Variants in GPC5 observed in about 807,000 individuals in gnomAD.
The protein encoded by GPC5 is glypican 5.
Under a neutral mutation model 53.9 loss-of-function variants are expected in GPC5, and 47 were observed. The observed-to-expected ratio is 0.87, with a 90% CI of 0.69 to 1.11. The LOEUF (loss-of-function observed/expected upper bound fraction) is 1.11. Ranked by LOEUF, GPC5 falls within the 50% of genes most tolerant of loss-of-function variation. GPC5 has a pLI of 0.00. For missense variants in GPC5, 748 were observed against 713.1 expected, an observed-to-expected ratio of 1.05 and a Z score of -0.56; for synonymous variants, 286 against 263.3, an observed-to-expected ratio of 1.09 and a Z score of -0.84.
At position 91,817,461 on chromosome 13, in the gene GPC5, ATAAT is replaced by A. The variant is rs527994913; in HGVS notation, c.1280+61045_1280+61048del. 8.3e-4 allele frequency among the ~76,000 whole-genome samples: 126 copies of A among 152,330 alleles called. 1 individual carries two copies. Among genetic ancestry groups the A allele is most frequent in the African/African-American group, 2.8e-3 (116 of 41,580 alleles). On this transcript the variant is annotated intron_variant, in intron 5 of 7. Transcript: ENST00000377067. The stretch of plus-strand genomic sequence containing the variant: ...TCCTTGTACCGGATGAAATAAAATG[ATAAT>A]TAAGTATGCGAGATCTTTCCCATAA...
intron 7 of GPC5, among the ~76,000 whole-genome samples, chr13:92,233,698 T>C (rs2042547874): frequency 6.6e-6 from 1 of 152,232 alleles, no homozygotes; most frequent in South Asian, 2.1e-4. Context: ...AGGGTACATG[T>C]GCACAACGTG....
chr13:91,686,584 A>T (rs2035627447), intron 2 of GPC5, among the ~76,000 whole-genome samples: 1 of 151,980 alleles, frequency 6.6e-6, no homozygotes, highest in Admixed American at 6.6e-5. Flanking sequence ...TCTTTTATTT[A>T]AAAATATATA....
At chr13:92,229,446 T>C (rs1276793567) in intron 7 of GPC5, among the ~76,000 whole-genome samples, 1 of 152,142 alleles carries the variant, frequency 6.6e-6, no homozygotes, top group Admixed American at 6.6e-5. Context: ...ATGTTGCCAA[T>C]ATCTATACTT....
rs568934419 is a variant in GPC5 at position 91,402,369 on chromosome 13, G to A, written c.163+3160G>A. ...AATACTAAAAGACACTGTAAGCAGT[G>A]CTCTGAAGTTGTTGTTGTTTTTTAA... On this transcript the variant is annotated intron_variant, in intron 1 of 7. Coordinates refer to ENST00000377067, the MANE Select transcript of GPC5 (RefSeq NM_004466.6). Among the ~76,000 whole-genome samples, 6 of 152,304 alleles carry A rather than the reference G, an allele frequency of 3.9e-5. No homozygotes were observed. In the South Asian group the frequency reaches 6.2e-4, roughly 16 times the overall value.
intron 4 of GPC5, among the ~76,000 whole-genome samples, chr13:91,736,731 T>C (rs934711321): frequency 1.3e-5 from 2 of 151,262 alleles, no homozygotes; most frequent in African/African-American, 2.5e-5. Flanking sequence ...ATATCCTCAA[T>C]AGTGTTAAAA....
intron 5 of GPC5, among the ~76,000 whole-genome samples, chr13:91,770,965 A>T (rs1244650151): frequency 6.6e-6 from 1 of 152,198 alleles, no homozygotes; most frequent in Non-Finnish European, 1.5e-5. Flanking sequence ...AAAGTCTGTC[A>T]TGTTTGTGTT....
intron 7 of GPC5, among the ~76,000 whole-genome samples, chr13:92,298,084 G>T (rs2139193588): frequency 6.6e-6 from 1 of 152,180 alleles, no homozygotes; most frequent in South Asian, 2.1e-4. Context: ...GTGTTATGCA[G>T]GTTGTCAGGG....
chr13:91,650,750 G>GTTTTTTTTTTTTTTTTTGTT (rs2034683387), intron 2 of GPC5, among the ~76,000 whole-genome samples: 6 of 99,640 alleles, frequency 6.0e-5, no homozygotes, highest in Admixed American at 1.1e-4. Context: ...ATTCCCATAA[G>GTTTTTTTTTTTTTTTTTGTT]TTTTTTTTTT....
intron 7 of GPC5, among the ~76,000 whole-genome samples, chr13:92,708,696 T>A (rs1472188863): frequency 6.6e-6 from 1 of 151,138 alleles, no homozygotes; most frequent in East Asian, 1.9e-4. Flanking sequence ...AGAGATGTTA[T>A]TAGAGACAAT....
At chr13:92,425,883 AAC>A (rs1228327803) in intron 7 of GPC5, among the ~76,000 whole-genome samples, 1 of 152,092 alleles carries the variant, frequency 6.6e-6, no homozygotes, top group African/African-American at 2.4e-5. Context: ...ATGTTAGGCA[AAC>A]TATTCTATGC....
At chr13:92,802,721 TC>T (rs769205679) in intron 7 of GPC5, among the ~76,000 whole-genome samples, 25 of 152,094 alleles carry the variant, frequency 1.6e-4, no homozygotes, top group Non-Finnish European at 2.4e-4. Flanking sequence ...CACCGCATGT[TC>T]TCACTCATAG....
chr13:92,139,580 T>C (rs1297971665), intron 6 of GPC5, among the ~76,000 whole-genome samples: 2 of 150,234 alleles, frequency 1.3e-5, no homozygotes, highest in African/African-American at 4.9e-5. Context: ...GGCAGGACAA[T>C]TGCTTGAACC....
chr13:92,163,803 G>A (rs544354500), intron 7 of GPC5, among the ~76,000 whole-genome samples: 3 of 152,220 alleles, frequency 2.0e-5, no homozygotes, highest in South Asian at 2.1e-4. Context: ...TTTTGTATTC[G>A]TTCTCACACT....
At chr13:92,002,991 A>C (rs994984572) in intron 6 of GPC5, among the ~76,000 whole-genome samples, 35 of 152,162 alleles carry the variant, frequency 2.3e-4, no homozygotes, top group African/African-American at 8.2e-4. Flanking sequence ...GAGGTACTTA[A>C]CAAAATTTAA....
At chr13:91,894,736 C>T (rs765770213) in intron 5 of GPC5, among the ~76,000 whole-genome samples, 1 of 152,096 alleles carries the variant, frequency 6.6e-6, no homozygotes, top group Non-Finnish European at 1.5e-5. Flanking sequence ...GGGGAAAGAA[C>T]CAATCATTTG....
At chr13:91,836,740 A>G (rs1448892082) in intron 5 of GPC5, among the ~76,000 whole-genome samples, 8 of 151,900 alleles carry the variant, frequency 5.3e-5, no homozygotes, top group Non-Finnish European at 1.2e-4. Context: ...CATCCTTCCA[A>G]ATCCTTAATT....
chr13:92,524,737 G>A (rs769302570), intron 7 of GPC5, among the ~76,000 whole-genome samples: 7 of 152,078 alleles, frequency 4.6e-5, no homozygotes, highest in Non-Finnish European at 8.8e-5. Flanking sequence ...GGAGCTAAAA[G>A]TAGTTATTGC....
rs571997810 is a variant in GPC5, at chr13:92,024,436, C to T, written c.1401+116379C>T. ...TCTCTCCCTCCATCTCTTAACACATCGGTGGTTCCCCACTTTCCCCTATTT... is the reference window on the plus strand; with the variant it reads ...TCTCTCCCTCCATCTCTTAACACATTGGTGGTTCCCCACTTTCCCCTATTT... On this transcript the variant is annotated intron_variant, in intron 6 of 7. Coordinates refer to ENST00000377067, the MANE Select transcript of GPC5 (RefSeq NM_004466.6). Among the ~76,000 whole-genome samples the T allele has an allele frequency of 3.9e-5, 6 of 152,192 alleles. No homozygotes were observed. In the East Asian group the frequency reaches 7.7e-4, roughly 20 times the overall value.
intron 5 of GPC5, among the ~76,000 whole-genome samples, chr13:91,803,862 TAGAG>T (rs2038176893): frequency 6.9e-6 from 1 of 144,354 alleles, no homozygotes. Context: ...TGCAGAAAAA[TAGAG>T]AGATGCATAA....
Sources: allele counts gnomAD v4.1 joint callset (sites outside exome capture counted in the v4.1 genomes callset), GRCh38; gene constraint gnomAD v4.1.1; transcripts MANE v1.5; gene names NCBI Gene and HGNC (gene_info 2026-07-23, HGNC 2026-07-21).